Variants in HERC2 observed in about 807,000 individuals in gnomAD.
HERC2 encodes E3 ubiquitin-protein ligase HERC2.
In HERC2, 102 loss-of-function variants were observed where a neutral mutation model predicts 537.7. The ratio of observed to expected loss-of-function variants is 0.19; its 90% CI spans 0.16 to 0.22. HERC2 has a LOEUF of 0.22. HERC2 is among the 10% of genes least tolerant of loss of function. HERC2 has a pLI of 1.00. For missense variants in HERC2, 4,236 were observed against 6,198.2 expected, an observed-to-expected ratio of 0.68 and a Z score of 10.63; for synonymous variants, 2,224 against 2,466.2, an observed-to-expected ratio of 0.90 and a Z score of 2.91.
chr15:28,116,159 C>T (rs555190564), intron 88 of HERC2, among the ~76,000 whole-genome samples: 6 of 152,268 alleles, frequency 3.9e-5, no homozygotes, highest in Admixed American at 1.3e-4. Context: ...AAGTCAACAG[C>T]ACCTCGTTCG....
intron 5 of HERC2, among the ~76,000 whole-genome samples, chr15:28,279,652 A>ACACACAC (rs1174428481): frequency 2.6e-5 from 3 of 114,604 alleles, no homozygotes; most frequent in African/African-American, 1.0e-4. Flanking sequence ...CACACACACA[A>ACACACAC]ATTGTTTTTA....
Position 28,260,819 on chromosome 15 carries a change from C to T in HERC2, c.2274G>A (p.Leu758=). 1.2e-6 allele frequency: 2 copies of T among 1,614,254 alleles called. No individual in the cohort carries two copies. The highest frequency in any genetic ancestry group is 1.7e-6 in the Non-Finnish European group (2 of 1,180,040). ...TKPEPAALPG[L]DTKHIVGIAC... ...CAATTCCCACTATGTGTTTGGTGTC[C>T]AGTCCTGGCAATGCTGCAGGTTCTG... is the stretch of plus-strand genomic sequence containing the variant. The change falls in exon 16 of 93, where the codon CTG becomes CTA. Residue 758 remains leucine (L), a synonymous_variant. Transcript: ENST00000261609.
At chr15:28,149,689 A>G (rs1324727350) in intron 70 of HERC2, among the ~76,000 whole-genome samples, 4 of 152,122 alleles carry the variant, frequency 2.6e-5, no homozygotes. Flanking sequence ...AACCGAGAAC[A>G]TCACTTAGAA....
rs138725743 is a variant in HERC2 at position 28,113,673 on chromosome 15, T to C, written c.13919A>G (p.His4640Arg). ...YVRLAINYRL[H>R]EFDEQVAAVR... ...AGCAGCCACCTGCTCATCAAATTCA[T>C]GGAGTCTGGAAGAAAAAGCTCACTT... is the stretch of plus-strand genomic sequence containing the variant. Residue 4640 changes from histidine to arginine, a missense_variant, in exon 91 of 93, where the codon CAT (histidine) becomes CGT (arginine). Physicochemically the swap from His to Arg is conservative, Grantham distance 29. This residue lies in a region of HERC2 where 313 missense variants were observed against 462.6 expected (regional missense o/e 0.68). Transcript: ENST00000261609. The surrounding 1 kb of genome is among the most constrained non-coding windows in gnomAD (Gnocchi z 7.0). The C allele has an allele frequency of 2.4e-3, 3,825 of 1,613,752 alleles. 30 individuals are homozygous for C. The highest frequency in any genetic ancestry group is 2.2e-3 in the Non-Finnish European group (2,627 of 1,179,690).
intron 70 of HERC2, among the ~76,000 whole-genome samples, chr15:28,147,373 A>T (rs1891859104): frequency 6.6e-6 from 1 of 152,238 alleles, no homozygotes; most frequent in African/African-American, 2.4e-5. Flanking sequence ...ACACTCCTGT[A>T]ATCTTAGCAC....
chr15:28,320,016 G>A (rs1372778443), intron 2 of HERC2: 2 of 151,932 alleles, frequency 1.3e-5, no homozygotes, highest in Non-Finnish European at 2.9e-5. Flanking sequence ...AATGTTTAAA[G>A]AGAAACAAAC....
chr15:28,201,786 G>A (rs1169863424), intron 47 of HERC2, among the ~76,000 whole-genome samples: 3 of 152,080 alleles, frequency 2.0e-5, no homozygotes, highest in African/African-American at 4.8e-5. Flanking sequence ...TTAATCCTAC[G>A]AATAATTTAC....
chr15:28,305,526 T>C (rs2076761854), intron 2 of HERC2, among the ~76,000 whole-genome samples: 1 of 113,302 alleles, frequency 8.8e-6, no homozygotes, highest in African/African-American at 3.2e-5. Flanking sequence ...CAAAAATCAA[T>C]TCAAGATGGA....
chr15:28,161,579 C>G (rs1193326648), intron 69 of HERC2, among the ~76,000 whole-genome samples: 2 of 152,170 alleles, frequency 1.3e-5, no homozygotes, highest in Non-Finnish European at 2.9e-5. Context: ...GACCTACAGA[C>G]CAATTCAGCA....
intron 36 of HERC2, among the ~76,000 whole-genome samples, chr15:28,221,543 T>C (rs1567034345): frequency 8.4e-6 from 1 of 119,054 alleles, no homozygotes. Context: ...GACTTCCACC[T>C]GGGGGCACCT....
At chr15:28,121,209 A>G (rs780640185) in intron 86 of HERC2, 137 bp downstream of exon 86, 4 of 691,752 alleles carry the variant, frequency 5.8e-6, no homozygotes, top group Non-Finnish European at 1.0e-5. Flanking sequence ...AAGCCCACAA[A>G]AAGGAAGGTG....
At position 28,257,228 on chromosome 15, in the gene HERC2, T is replaced by C. The variant is rs939854181; in HGVS notation, c.2350A>G (p.Ile784Val). ...ACCACAAAAGGGACACGGAGGCCAATGGACCACTCAGAACATGATGACCAA... is the reference window on the plus strand; with the variant it reads ...ACCACAAAAGGGACACGGAGGCCAACGGACCACTCAGAACATGATGACCAA... ...FAWSSCSEWS[I>V]GLRVPFVVDI... Residue 784 changes from isoleucine to valine, a missense_variant, in exon 17 of 93, where the codon ATT (isoleucine) becomes GTT (valine). Around this residue, in one of 27 missense-constraint regions of HERC2, gnomAD observed 754 missense variants for 1,085.0 expected, o/e 0.69. Transcript: ENST00000261609. 2.5e-5 allele frequency: 41 copies of C among 1,613,946 alleles called. No homozygotes were observed. Among genetic ancestry groups the C allele is most frequent in the Non-Finnish European group, 3.4e-5 (40 of 1,179,854 alleles).
chr15:28,285,051 G>C (rs1184170570), intron 4 of HERC2, among the ~76,000 whole-genome samples: 3 of 141,522 alleles, frequency 2.1e-5, no homozygotes, highest in African/African-American at 7.9e-5. Flanking sequence ...AACAAACAAA[G>C]AAACAATGAA....
intron 66 of HERC2, 117 bp from the exon 67 acceptor site, chr15:28,168,707 G>A (rs1364036900): frequency 1.3e-5 from 11 of 843,838 alleles, no homozygotes; most frequent in Non-Finnish European, 2.0e-5. Flanking sequence ...CTGAATACAT[G>A]TAGAAGAGTT....
chr15:28,247,206 G>T (rs1903792188), intron 21 of HERC2, among the ~76,000 whole-genome samples: 1 of 151,850 alleles, frequency 6.6e-6, no homozygotes, highest in Non-Finnish European at 1.5e-5. Context: ...ATGTTGCCCA[G>T]ATTGGACTCG....
At chr15:28,239,650 C>CT (rs2140719336) in intron 23 of HERC2, among the ~76,000 whole-genome samples, 1 of 145,704 alleles carries the variant, frequency 6.9e-6, no homozygotes, top group South Asian at 2.4e-4. Flanking sequence ...GCAGCATGAC[C>CT]CCAGACATAA....
intron 23 of HERC2, among the ~76,000 whole-genome samples, chr15:28,240,224 C>T (rs1477235723): frequency 3.9e-5 from 6 of 152,104 alleles, no homozygotes; most frequent in South Asian, 2.1e-4. Context: ...GGAGACCATC[C>T]TGGCTAACAC....
In HERC2 at chr15:28,297,884, A is replaced by G. The variant is rs1439886890; in HGVS notation, c.187+1518T>C. On this transcript the variant is annotated intron_variant, in intron 3 of 92. Coordinates refer to ENST00000261609, the MANE Select transcript of HERC2 (RefSeq NM_004667.6). ...TGAACTAGAATCAATTACATACATGAGTGTCTAAGGAGCTAGGTGAGACAA... is the reference window on the plus strand; with the variant it reads ...TGAACTAGAATCAATTACATACATGGGTGTCTAAGGAGCTAGGTGAGACAA... Among the ~76,000 whole-genome samples the G allele has an allele frequency of 6.7e-5, 10 of 148,696 alleles. 1 individual carries two copies. The highest frequency in any genetic ancestry group is 2.5e-4 in the African/African-American group (10 of 40,038).
chr15:28,220,893 G>A (rs564118599), intron 36 of HERC2, among the ~76,000 whole-genome samples: 32 of 133,036 alleles, frequency 2.4e-4, no homozygotes, highest in African/African-American at 8.1e-4. Flanking sequence ...CAGTTAGGAG[G>A]GTGCATGCCC....
Sources: gnomAD v4.1 joint callset for allele counts (sites outside exome capture counted in the v4.1 genomes callset) on GRCh38, gnomAD v4.1.1 for gene constraint, gnomAD v4.1.1 regional missense constraint, Gnocchi (gnomAD v3.1) non-coding constraint, MANE v1.5 for transcripts, NCBI Gene and HGNC (gene_info 2026-07-23, HGNC 2026-07-21) for gene names.